Variants in PRKCB observed in about 807,000 individuals in gnomAD.
PRKCB encodes protein kinase C beta, also known as protein kinase C beta type.
In PRKCB, 13 loss-of-function variants were observed where a neutral mutation model predicts 81.5. The observed-to-expected ratio is 0.16, with a 90% confidence interval of 0.10 to 0.25. The LOEUF (loss-of-function observed/expected upper bound fraction) is 0.25. Ranked by LOEUF, PRKCB falls within the 10% of genes least tolerant of loss-of-function variation. The pLI is 1.00. For synonymous variants in PRKCB, 335 were observed against 321.4 expected, an observed-to-expected ratio of 1.04 and a Z score of -0.45; for missense variants, 509 against 875.7, an observed-to-expected ratio of 0.58 and a Z score of 5.29.
At chr16:23,937,981 G>C (rs1964085645) in intron 2 of PRKCB, among the ~76,000 whole-genome samples, 2 of 152,178 alleles carry the variant, frequency 1.3e-5, no homozygotes, top group Non-Finnish European at 2.9e-5. Flanking sequence ...GAATCAGATT[G>C]TGGAGGTGGG....
At chr16:24,108,780 AT>A (rs1236456128) in intron 7 of PRKCB, among the ~76,000 whole-genome samples, 9 of 151,256 alleles carry the variant, frequency 6.0e-5, no homozygotes, top group Non-Finnish European at 1.3e-4. Context: ...CAACCATCCG[AT>A]TTCTCAATCT....
intron 5 of PRKCB, among the ~76,000 whole-genome samples, chr16:24,042,215 A>AC (rs1429088404): frequency 6.6e-6 from 1 of 152,198 alleles, no homozygotes; most frequent in Non-Finnish European, 1.5e-5. Flanking sequence ...GCGAGGGCCC[A>AC]CTAGGGGGCA....
chr16:23,887,909 A>G (rs1014457887), intron 2 of PRKCB, among the ~76,000 whole-genome samples: 15 of 152,320 alleles, frequency 9.8e-5, no homozygotes, highest in African/African-American at 3.6e-4. Context: ...AGGATTCTCC[A>G]GCTGGGGGTG....
chr16:24,162,248 C>G (rs983584485), intron 10 of PRKCB, among the ~76,000 whole-genome samples: 5 of 151,936 alleles, frequency 3.3e-5, no homozygotes, highest in Admixed American at 1.3e-4. Context: ...CGAGAATGTC[C>G]CAGGGGTCCT....
Position 24,218,800 on chromosome 16 carries a change from G to T in PRKCB, c.*3984G>T. On this transcript the variant is annotated 3_prime_UTR_variant, in exon 17 of 17. Coordinates refer to ENST00000643927, the MANE Select transcript of PRKCB (RefSeq NM_002738.7). Reference sequence around the variant, plus strand: ...TGGCTGCAGCCCGGGAATGTGCAGGGCACTAGGGAATACAAGGCCTTCTTC... The same window carrying T: ...TGGCTGCAGCCCGGGAATGTGCAGGTCACTAGGGAATACAAGGCCTTCTTC... 1.0e-6 allele frequency: 1 copy of T among 985,456 alleles called. No individual in the cohort carries two copies. The highest frequency in any genetic ancestry group is 1.2e-6 in the Non-Finnish European group (1 of 829,978). The allele number at this position is 985,456 out of a possible 1,614,324, so 61.0% of individuals were successfully genotyped here. A position where few individuals can be genotyped will look rare whatever the true frequency, so the allele number is the denominator to read the frequency against.
At chr16:23,974,386 A>T (rs566864555) in intron 2 of PRKCB, among the ~76,000 whole-genome samples, 65 of 152,244 alleles carry the variant, frequency 4.3e-4, no homozygotes, top group African/African-American at 1.4e-3. Context: ...AGTGAGAGAG[A>T]GTCCACAGGG....
intron 2 of PRKCB, among the ~76,000 whole-genome samples, chr16:23,897,304 A>C (rs1963395351): frequency 6.6e-6 from 1 of 152,226 alleles, no homozygotes; most frequent in African/African-American, 2.4e-5. Flanking sequence ...CCCCTGAAGG[A>C]AGTGGGGACT....
At chr16:23,837,304 ACT>A in intron 1 of PRKCB, 69 bp from the exon 2 acceptor site, 3 of 1,582,396 alleles carry the variant, frequency 1.9e-6, no homozygotes, top group Non-Finnish European at 2.6e-6. Context: ...AAGGCGGGTG[ACT>A]CTGTGGGTAA....
Position 24,123,807 on chromosome 16 carries a change from A to G in PRKCB, c.919-28A>G, listed in dbSNP as rs769585977. The G allele has an allele frequency of 1.8e-5, 29 of 1,612,050 alleles. No homozygotes were observed. In the Admixed American group the frequency reaches 4.7e-4, roughly 26 times the overall value. ...ACAAGATCGTCCTCAAACCCTGAGC[A>G]TGTTTTCTGTGTGCTTCCTTTTTGC... On this transcript the variant is annotated intron_variant, in intron 8 of 16. Transcript: ENST00000643927.
intron 2 of PRKCB, among the ~76,000 whole-genome samples, chr16:23,987,187 T>A (rs1964813411): frequency 1.3e-5 from 2 of 152,366 alleles, no homozygotes; most frequent in South Asian, 4.1e-4. Context: ...GGCACATGTA[T>A]ACCTGTGTAA....
At chr16:23,946,095 A>G (rs1964201314) in intron 2 of PRKCB, among the ~76,000 whole-genome samples, 1 of 152,198 alleles carries the variant, frequency 6.6e-6, no homozygotes, top group Non-Finnish European at 1.5e-5. Context: ...CAAAGCTCAG[A>G]GGGGTTAAAT....
chr16:24,063,751 T>C (rs1344590067), intron 5 of PRKCB, among the ~76,000 whole-genome samples: 1 of 152,184 alleles, frequency 6.6e-6, no homozygotes, highest in Non-Finnish European at 1.5e-5. Flanking sequence ...ACTTGAGCAC[T>C]AGAGTGTGAG....
intron 2 of PRKCB, among the ~76,000 whole-genome samples, chr16:23,879,183 A>G (rs1963065486): frequency 6.6e-6 from 1 of 152,050 alleles, no homozygotes; most frequent in African/African-American, 2.4e-5. Flanking sequence ...ATCTCAAAAA[A>G]AAAAAGAGGC....
chr16:24,076,215 T>C (rs1409843710), intron 5 of PRKCB, among the ~76,000 whole-genome samples: 1 of 152,214 alleles, frequency 6.6e-6, no homozygotes, highest in Non-Finnish European at 1.5e-5. Flanking sequence ...TTGGAGCATG[T>C]GAAAAGCCTT....
chr16:24,197,350 A>G (rs1405466848), intron 16 of PRKCB, among the ~76,000 whole-genome samples: 1 of 151,858 alleles, frequency 6.6e-6, no homozygotes, highest in Non-Finnish European at 1.5e-5. Flanking sequence ...AAGATGAGGG[A>G]GGTGGGAGCC....
At chr16:23,850,997 T>G (rs1259197755) in intron 2 of PRKCB, among the ~76,000 whole-genome samples, 1 of 152,214 alleles carries the variant, frequency 6.6e-6, no homozygotes, top group Non-Finnish European at 1.5e-5. Flanking sequence ...TTGAGTTCTT[T>G]GTATATTTTG....
chr16:24,210,538 GCC>G (rs907634288), intron 16 of PRKCB, among the ~76,000 whole-genome samples: 13 of 148,262 alleles, frequency 8.8e-5, no homozygotes, highest in Non-Finnish European at 1.8e-4. Flanking sequence ...TCATTCTGTC[GCC>G]CAGGCTGGAG....
At chr16:24,063,595 A>G (rs1201295542) in intron 5 of PRKCB, among the ~76,000 whole-genome samples, 1 of 152,100 alleles carries the variant, frequency 6.6e-6, no homozygotes, top group Non-Finnish European at 1.5e-5. Flanking sequence ...ATGCCTGGCC[A>G]CTGATGTACT....
At position 24,218,635 on chromosome 16, in the gene PRKCB, A is replaced by T. The variant is rs1421397017; in HGVS notation, c.*3819A>T. ...TTGTAAAAGGTCTTTTGCAAAGGAG[A>T]GTGAACCCAGCAATGAGAGATCCTT... On this transcript the variant is annotated 3_prime_UTR_variant, in exon 17 of 17. Transcript: ENST00000643927. 5 of 977,156 alleles carry T rather than the reference A, an allele frequency of 5.1e-6. No homozygotes were observed. Among genetic ancestry groups the T allele is most frequent in the Non-Finnish European group, 6.0e-6 (5 of 827,946 alleles). 60.5% of individuals were successfully genotyped at this position (977,156 alleles called of 1,614,324 possible).
Sources: gnomAD v4.1 joint callset for allele counts (sites outside exome capture counted in the v4.1 genomes callset) on GRCh38, gnomAD v4.1.1 for gene constraint, MANE v1.5 for transcripts, NCBI Gene and HGNC (gene_info 2026-07-23, HGNC 2026-07-21) for gene names.